ZBTB20: variants seen among roughly 807,000 people sequenced by gnomAD.
ZBTB20 encodes zinc finger and BTB domain containing 20, also known as zinc finger and BTB domain-containing protein 20.
In ZBTB20, 9 loss-of-function variants were observed where a neutral mutation model predicts 56.9. That is an observed-to-expected ratio of 0.16 (90% CI 0.10 to 0.28). ZBTB20 has a LOEUF of 0.28. Among genes scored for constraint, ZBTB20 ranks in the 10% least tolerant of loss-of-function variants. The pLI, the probability that ZBTB20 is intolerant of heterozygous loss-of-function variation, is 1.00. For synonymous variants in ZBTB20, 417 were observed against 420.7 expected (o/e 0.99, Z 0.11); for missense variants, 655 against 1,003.0 (o/e 0.65, Z 4.69).
chr3:114,855,042 C>G (rs1169632261), intron 4 of ZBTB20, among the ~76,000 whole-genome samples: 1 of 152,106 alleles, frequency 6.6e-6, no homozygotes, highest in African/African-American at 2.4e-5. Flanking sequence ...CGACAGAGAC[C>G]ATATCTTCTT....
chr3:114,393,107 T>A (rs1381831012), intron 7 of ZBTB20, among the ~76,000 whole-genome samples: 1 of 152,234 alleles, frequency 6.6e-6, no homozygotes, highest in African/African-American at 2.4e-5. Flanking sequence ...ATGCTACGCA[T>A]TGAGACATCC....
chr3:114,643,396 C>A (rs186363937), intron 6 of ZBTB20, among the ~76,000 whole-genome samples: 24 of 151,994 alleles, frequency 1.6e-4, no homozygotes, highest in Admixed American at 1.4e-3. Flanking sequence ...GATGAAAATC[C>A]CTTTCTTGTA....
intron 5 of ZBTB20, among the ~76,000 whole-genome samples, chr3:114,771,438 T>A (rs557470125): frequency 6.6e-6 from 1 of 152,310 alleles, no homozygotes; most frequent in South Asian, 2.1e-4. Context: ...GTTAAAAATT[T>A]ACAATCTTAT....
In ZBTB20 at chr3:114,705,348, T is replaced by A. The variant is rs550726737; in HGVS notation, c.-342-11773A>T. 5.3e-4 allele frequency among the ~76,000 whole-genome samples: 80 copies of A among 152,310 alleles called. No individual in the cohort carries two copies. In the Middle Eastern group the frequency reaches 0.01, roughly 19 times the overall value. The stretch of plus-strand genomic sequence containing the variant: ...TCCCTAGTATGCAGCACATGCCCTA[T>A]ACTAGAGAACTGAAATATGCAAAAT... On this transcript the variant is annotated intron_variant, in intron 5 of 11. Coordinates refer to ENST00000675478, the MANE Select transcript of ZBTB20 (RefSeq NM_001348800.3).
At chr3:114,871,145 C>T (rs938252828) in intron 4 of ZBTB20, among the ~76,000 whole-genome samples, 3 of 152,148 alleles carry the variant, frequency 2.0e-5, no homozygotes, top group Non-Finnish European at 4.4e-5. Context: ...CATACACGTA[C>T]ACCTCAAAGC....
chr3:114,395,667 C>T (rs2086271379), intron 7 of ZBTB20, among the ~76,000 whole-genome samples: 1 of 152,118 alleles, frequency 6.6e-6, no homozygotes, highest in Non-Finnish European at 1.5e-5. Flanking sequence ...ATCAGGAACA[C>T]CATCGTCAGC....
chr3:114,871,090 G>T (rs2075990385), intron 4 of ZBTB20, among the ~76,000 whole-genome samples: 1 of 152,106 alleles, frequency 6.6e-6, no homozygotes, highest in Non-Finnish European at 1.5e-5. Flanking sequence ...TACAAGAAAG[G>T]AGAAGGCCAT....
intron 4 of ZBTB20, among the ~76,000 whole-genome samples, chr3:114,882,857 A>G (rs1251238489): frequency 1.3e-5 from 2 of 152,086 alleles, no homozygotes; most frequent in Non-Finnish European, 1.5e-5. Flanking sequence ...TACCATTCAA[A>G]TTTTTTAACC....
intron 6 of ZBTB20, among the ~76,000 whole-genome samples, chr3:114,525,215 GT>G (rs1033552001): frequency 3.9e-5 from 6 of 152,220 alleles, no homozygotes; most frequent in Non-Finnish European, 8.8e-5. Context: ...AAGGGGAAAA[GT>G]TTTGTTTAAT....
At chr3:115,067,139 T>C (rs1292926734) in intron 2 of ZBTB20, among the ~76,000 whole-genome samples, 1 of 152,060 alleles carries the variant, frequency 6.6e-6, no homozygotes, top group African/African-American at 2.4e-5. Context: ...AAATGTACTA[T>C]ACCATACCAC....
chr3:114,857,599 T>A (rs1033756585), intron 4 of ZBTB20, among the ~76,000 whole-genome samples: 2 of 152,100 alleles, frequency 1.3e-5, no homozygotes, highest in African/African-American at 4.8e-5. Context: ...TTACATGACA[T>A]CTCCTCCCTG....
intron 6 of ZBTB20, among the ~76,000 whole-genome samples, chr3:114,504,394 C>A (rs191007360): frequency 6.6e-6 from 1 of 152,034 alleles, no homozygotes. Flanking sequence ...AGCAGTGTAA[C>A]GGGAGTAGAA....
At chr3:115,003,894 A>C (rs1236863882) in intron 2 of ZBTB20, among the ~76,000 whole-genome samples, 1 of 151,624 alleles carries the variant, frequency 6.6e-6, no homozygotes, top group Non-Finnish European at 1.5e-5. Context: ...ATTTTTAAAA[A>C]CTCCAAAAAA....
chr3:114,720,923 T>C (rs1403030562), intron 5 of ZBTB20, among the ~76,000 whole-genome samples: 1 of 152,188 alleles, frequency 6.6e-6, no homozygotes, highest in Non-Finnish European at 1.5e-5. Context: ...CACTGATATG[T>C]AGGCTGACAA....
chr3:114,817,633 G>T (rs982313323), intron 4 of ZBTB20, among the ~76,000 whole-genome samples: 1 of 151,830 alleles, frequency 6.6e-6, no homozygotes, highest in Non-Finnish European at 1.5e-5. Flanking sequence ...ATTTCATTAG[G>T]AGTTTTGCAA....
At position 114,317,131 on chromosome 3, in the gene ZBTB20, C is replaced by T. The variant is rs1272725561; in HGVS notation, c.*21874G>A. The T allele has an allele frequency of 6.5e-6, 1 of 152,700 alleles. No homozygotes were observed. The highest frequency in any genetic ancestry group is 1.5e-5 in the Non-Finnish European group (1 of 68,406). 9.5% of individuals were successfully genotyped at this position (152,700 alleles called of 1,614,324 possible). ...CTAAGGCTGACTTCTGTGTCAGCTT[C>T]TTGTGGGTATGTGAGTGCCAGCATC... is the stretch of plus-strand genomic sequence containing the variant. On this transcript the variant is annotated 3_prime_UTR_variant, in exon 12 of 12. Transcript: ENST00000675478.
chr3:114,730,813 T>A (rs2065681442), intron 5 of ZBTB20, among the ~76,000 whole-genome samples: 1 of 152,146 alleles, frequency 6.6e-6, no homozygotes, highest in Admixed American at 6.5e-5. Context: ...GGTGCCTGTA[T>A]CAGTGCCTAT....
At chr3:115,122,963 A>G in intron 1 of ZBTB20, among the ~76,000 whole-genome samples, 1 of 152,152 alleles carries the variant, frequency 6.6e-6, no homozygotes, top group Non-Finnish European at 1.5e-5. Flanking sequence ...GTCAGAACCC[A>G]GTAAATTACC....
At chr3:115,069,532 G>A (rs1033204218) in intron 2 of ZBTB20, among the ~76,000 whole-genome samples, 2 of 151,894 alleles carry the variant, frequency 1.3e-5, no homozygotes, top group African/African-American at 4.8e-5. Context: ...GTGATCTCAG[G>A]TCTCAGCACG....
Sources: allele counts gnomAD v4.1 joint callset (sites outside exome capture counted in the v4.1 genomes callset), GRCh38; gene constraint gnomAD v4.1.1; transcripts MANE v1.5; gene names NCBI Gene and HGNC (gene_info 2026-07-23, HGNC 2026-07-21).